SMYD3: variants seen among roughly 807,000 people sequenced by gnomAD.
SMYD3 encodes the protein SET and MYND domain containing 3.
Under a neutral mutation model 57.7 loss-of-function variants are expected in SMYD3, and 36 were observed. The ratio of observed to expected loss-of-function variants is 0.62; its 90% CI spans 0.48 to 0.82. SMYD3 has a LOEUF of 0.82. Ranked by LOEUF, SMYD3 falls within the 40% of genes least tolerant of loss-of-function variation. The pLI is 0.00. For synonymous variants in SMYD3, 211 were observed against 195.0 expected (o/e 1.08, Z -0.68); for missense variants, 515 against 538.8 (o/e 0.96, Z 0.44).
chr1:245,923,496 C>G (rs1558498820), intron 7 of SMYD3, among the ~76,000 whole-genome samples: 1 of 152,160 alleles, frequency 6.6e-6, no homozygotes, highest in Admixed American at 6.5e-5. Flanking sequence ...CATCTTCCCT[C>G]AAATTCGGGT....
At chr1:246,429,470 C>T (rs7513043) in intron 1 of SMYD3, among the ~76,000 whole-genome samples, 151,152 of 152,328 alleles carry the variant, frequency 0.99, 75,005 homozygotes, top group East Asian at 1. Context: ...GAGGAAACGT[C>T]CATCTTACAA....
chr1:246,293,149 A>C (rs918708056), intron 5 of SMYD3, among the ~76,000 whole-genome samples: 1 of 151,778 alleles, frequency 6.6e-6, no homozygotes, highest in African/African-American at 2.4e-5. Context: ...TGAATCCCCA[A>C]ACTACATCAT....
chr1:246,065,924 C>T (rs1016188065), intron 5 of SMYD3, among the ~76,000 whole-genome samples: 1 of 152,128 alleles, frequency 6.6e-6, no homozygotes, highest in African/African-American at 2.4e-5. Flanking sequence ...CTTTTTTCTT[C>T]TTTAATCCAA....
rs1220820444 is a variant in SMYD3, at chr1:246,276,332, T to C, written c.531+50869A>G. Among the ~76,000 whole-genome samples the C allele has an allele frequency of 2.4e-5, 3 of 122,452 alleles. 1 individual carries two copies. Among genetic ancestry groups the C allele is most frequent in the African/African-American group, 5.8e-5 (2 of 34,278 alleles). The allele number at this position is 122,452 out of a possible 152,430, so 80.3% of individuals were successfully genotyped here. A position where few individuals can be genotyped will look rare whatever the true frequency, so the allele number is the denominator to read the frequency against. On this transcript the variant is annotated intron_variant, in intron 5 of 11. Transcript: ENST00000490107. ...TGCCTCTAGTGGAGTCTGATGCCCATGTTTGAATACTAACTCCATTTTTTC... is the reference window on the plus strand; with the variant it reads ...TGCCTCTAGTGGAGTCTGATGCCCACGTTTGAATACTAACTCCATTTTTTC...
At chr1:246,427,823 C>T (rs1450433997) in intron 1 of SMYD3, among the ~76,000 whole-genome samples, 1 of 151,988 alleles carries the variant, frequency 6.6e-6, no homozygotes. Context: ...CACTGCACTC[C>T]AGCGTAGGTG....
At chr1:245,981,236 C>A (rs920275411) in intron 5 of SMYD3, among the ~76,000 whole-genome samples, 1 of 152,226 alleles carries the variant, frequency 6.6e-6, no homozygotes, top group Admixed American at 6.5e-5. Context: ...GCCAACAGCA[C>A]ACAGTGCTAA....
In SMYD3 at chr1:245,787,062, G is replaced by T. The variant is rs141656180; in HGVS notation, c.1077-22913C>A. 4.5e-3 allele frequency among the ~76,000 whole-genome samples: 687 copies of T among 152,340 alleles called. 4 individuals carry two copies. The highest frequency in any genetic ancestry group is 0.016 in the African/African-American group (655 of 41,570). On this transcript the variant is annotated intron_variant, in intron 10 of 11. Transcript: ENST00000490107. ...AAAAAATGCTGGCAAACAGAATTGTGTTCATTAGAGCGGTATCTTTACAAC... is the reference window on the plus strand; with the variant it reads ...AAAAAATGCTGGCAAACAGAATTGTTTTCATTAGAGCGGTATCTTTACAAC...
intron 1 of SMYD3, among the ~76,000 whole-genome samples, chr1:246,481,356 T>C (rs1432406225): frequency 6.6e-6 from 1 of 151,526 alleles, no homozygotes; most frequent in Admixed American, 6.6e-5. Context: ...GGAAAGCAGA[T>C]TGCCCTTTTA....
intron 5 of SMYD3, among the ~76,000 whole-genome samples, chr1:246,257,778 G>T (rs1157554484): frequency 6.6e-6 from 1 of 152,158 alleles, no homozygotes; most frequent in Non-Finnish European, 1.5e-5. Context: ...AACTTGATAT[G>T]GTTTGGATCT....
At chr1:245,839,074 C>T (rs1371789943) in intron 10 of SMYD3, among the ~76,000 whole-genome samples, 1 of 152,252 alleles carries the variant, frequency 6.6e-6, no homozygotes, top group Non-Finnish European at 1.5e-5. Context: ...GTGAGCTCTG[C>T]TTGACCTCTG....
intron 11 of SMYD3, among the ~76,000 whole-genome samples, chr1:245,750,250 G>C (rs1233118902): frequency 6.6e-6 from 1 of 152,120 alleles, no homozygotes; most frequent in Non-Finnish European, 1.5e-5. Context: ...TATAATAGAA[G>C]TAAAGCAACT....
At chr1:246,507,009 C>G in intron 1 of SMYD3, 45 bp downstream of exon 1, 1 of 1,356,722 alleles carries the variant, frequency 7.4e-7, no homozygotes, top group Non-Finnish European at 9.8e-7. Flanking sequence ...CCCCAGCACC[C>G]CACACAGCTC....
intron 5 of SMYD3, chr1:245,930,535 G>A (rs1165946870): frequency 1.6e-5 from 3 of 182,772 alleles, no homozygotes; most frequent in Admixed American, 1.1e-4. Flanking sequence ...CTTATGCAGG[G>A]ACGGAGCAGA....
At chr1:246,362,743 C>T (rs190171598) in intron 1 of SMYD3, among the ~76,000 whole-genome samples, 8,189 of 152,216 alleles carry the variant, frequency 0.054, 189 homozygotes, top group African/African-American at 0.087. Flanking sequence ...GGATTGCAGA[C>T]GGAGTCTCGT....
At chr1:246,019,918 C>G in intron 5 of SMYD3, among the ~76,000 whole-genome samples, 1 of 152,162 alleles carries the variant, frequency 6.6e-6, no homozygotes, top group East Asian at 1.9e-4. Context: ...AGCAATTTAA[C>G]AAGATATGTA....
intron 5 of SMYD3, among the ~76,000 whole-genome samples, chr1:246,006,460 T>TA (rs1302126149): frequency 5.3e-5 from 8 of 152,024 alleles, no homozygotes; most frequent in Non-Finnish European, 1.0e-4. Context: ...AACTCCTGGG[T>TA]GATAATGTGA....
chr1:246,001,867 C>G (rs1021857632), intron 5 of SMYD3, among the ~76,000 whole-genome samples: 7 of 152,108 alleles, frequency 4.6e-5, no homozygotes, highest in Non-Finnish European at 7.4e-5. Flanking sequence ...CAGAAAGAGA[C>G]CTGGGATCCT....
Position 246,340,038 on chromosome 1 carries a change from T to G in SMYD3, c.229-4564A>C, listed in dbSNP as rs188827814. Among the ~76,000 whole-genome samples, 7 of 152,134 alleles carry G rather than the reference T, an allele frequency of 4.6e-5. No individual in the cohort carries two copies. In the East Asian group the frequency reaches 1.4e-3, roughly 29 times the overall value. On this transcript the variant is annotated intron_variant, in intron 2 of 11. Transcript: ENST00000490107. ...GATCAAGACAAGGGCATTCCATGAG[T>G]AGCTAAAGTTGAAAAACCACTGAGT...
intron 5 of SMYD3, among the ~76,000 whole-genome samples, chr1:246,138,054 AT>A (rs1306644090): frequency 6.6e-6 from 1 of 152,196 alleles, no homozygotes; most frequent in Non-Finnish European, 1.5e-5. Context: ...ACCTTTAATG[AT>A]AAAAAGATAT....
Sources: gnomAD v4.1 joint callset for allele counts (sites outside exome capture counted in the v4.1 genomes callset) on GRCh38, gnomAD v4.1.1 for gene constraint, MANE v1.5 for transcripts, NCBI Gene and HGNC (gene_info 2026-07-23, HGNC 2026-07-21) for gene names.